Variants in SNTG1 observed in about 807,000 individuals in gnomAD.
SNTG1 encodes syntrophin gamma 1, also known as gamma-1-syntrophin.
SNTG1 carries 39 observed loss-of-function variants against 74.7 expected under a neutral mutation model. The observed-to-expected ratio is 0.52, with a 90% CI of 0.40 to 0.68. The LOEUF is 0.68. Among genes scored for constraint, SNTG1 ranks in the 30% least tolerant of loss-of-function variants. SNTG1 has a pLI of 0.00. For missense variants in SNTG1, 685 were observed against 609.5 expected (o/e 1.12, Z -1.30); for synonymous variants, 254 against 217.1 (o/e 1.17, Z -1.49).
chr8:50,460,139 G>A (rs1048442189), intron 8 of SNTG1, among the ~76,000 whole-genome samples: 12 of 152,132 alleles, frequency 7.9e-5, no homozygotes, highest in Admixed American at 4.6e-4. Context: ...CAGTGTATAA[G>A]CATTCCCTTT....
chr8:50,375,285 T>A (rs549448861), intron 2 of SNTG1, among the ~76,000 whole-genome samples: 32 of 152,226 alleles, frequency 2.1e-4, no homozygotes, highest in African/African-American at 7.7e-4. Context: ...TTGGGCACAT[T>A]AGATTCTGGT....
intron 13 of SNTG1, among the ~76,000 whole-genome samples, chr8:50,602,481 T>C (rs2094782041): frequency 6.6e-6 from 1 of 152,160 alleles, no homozygotes; most frequent in Non-Finnish European, 1.5e-5. Context: ...AAAGTTGTAG[T>C]TATTATTTTT....
chr8:50,471,290 C>T (rs1225034559), intron 8 of SNTG1, among the ~76,000 whole-genome samples: 1 of 149,896 alleles, frequency 6.7e-6, no homozygotes, highest in Non-Finnish European at 1.5e-5. Flanking sequence ...GAGTGTGTTT[C>T]AATAGACATT....
rs533348910 is a variant in SNTG1 at position 50,660,859 on chromosome 8, A to G, written c.1038+2196A>G. 3.5e-4 allele frequency among the ~76,000 whole-genome samples: 53 copies of G among 152,310 alleles called. 1 individual carries two copies. The highest frequency in any genetic ancestry group is 1.1e-3 in the African/African-American group (44 of 41,594). On this transcript the variant is annotated intron_variant, in intron 15 of 18. Coordinates refer to ENST00000642720, the MANE Select transcript of SNTG1 (RefSeq NM_018967.5). Reference sequence around the variant, plus strand: ...TTTGTTACAATTTTTGACAAAGATTATGCAATTCATGATCTGCTATTTTGT... The same window carrying G: ...TTTGTTACAATTTTTGACAAAGATTGTGCAATTCATGATCTGCTATTTTGT...
At chr8:50,256,265 C>A (rs1337226584) in intron 2 of SNTG1, among the ~76,000 whole-genome samples, 3 of 151,710 alleles carry the variant, frequency 2.0e-5, no homozygotes, top group Non-Finnish European at 2.9e-5. Flanking sequence ...AAGTGTATAC[C>A]ACATAGCAGG....
At chr8:50,183,033 C>T (rs1005645268) in intron 2 of SNTG1, among the ~76,000 whole-genome samples, 1 of 152,146 alleles carries the variant, frequency 6.6e-6, no homozygotes, top group Non-Finnish European at 1.5e-5. Context: ...CATCCTCTCA[C>T]GGTTTGCCCC....
At chr8:49,942,775 A>G (rs535966590) in intron 1 of SNTG1, among the ~76,000 whole-genome samples, 1 of 152,154 alleles carries the variant, frequency 6.6e-6, no homozygotes, top group Non-Finnish European at 1.5e-5. Flanking sequence ...GTAAATTGCC[A>G]TTTCATTGCA....
chr8:50,269,827 T>C (rs560075925), intron 2 of SNTG1, among the ~76,000 whole-genome samples: 22 of 152,140 alleles, frequency 1.4e-4, no homozygotes, highest in African/African-American at 5.1e-4. Context: ...ACAGGCAGTA[T>C]GTGGGGAGTT....
chr8:50,160,988 GA>G (rs1299149000), intron 1 of SNTG1, among the ~76,000 whole-genome samples: 1 of 152,114 alleles, frequency 6.6e-6, no homozygotes, highest in Non-Finnish European at 1.5e-5. Context: ...GCAAAGAGAG[GA>G]TTTCATATTT....
At chr8:50,498,262 C>T (rs1018464760) in intron 8 of SNTG1, among the ~76,000 whole-genome samples, 5 of 151,844 alleles carry the variant, frequency 3.3e-5, no homozygotes, top group Non-Finnish European at 7.4e-5. Context: ...CAAAACCTTA[C>T]ACACACTTAG....
At chr8:50,525,036 CTT>C (rs2094209177) in intron 9 of SNTG1, among the ~76,000 whole-genome samples, 1 of 152,012 alleles carries the variant, frequency 6.6e-6, no homozygotes, top group East Asian at 1.9e-4. Flanking sequence ...GAAGAATTGT[CTT>C]TAGCAATTTT....
intron 2 of SNTG1, among the ~76,000 whole-genome samples, chr8:50,253,680 C>T (rs1786306497): frequency 6.6e-6 from 1 of 151,604 alleles, no homozygotes; most frequent in Non-Finnish European, 1.5e-5. Flanking sequence ...TATGTATACA[C>T]ACACACATAT....
chr8:50,018,684 A>G (rs926400005), intron 1 of SNTG1, among the ~76,000 whole-genome samples: 1 of 152,108 alleles, frequency 6.6e-6, no homozygotes, highest in African/African-American at 2.4e-5. Context: ...AAAGAGCACC[A>G]AGAAAGTGAG....
intron 1 of SNTG1, among the ~76,000 whole-genome samples, chr8:50,106,162 G>A (rs1210546895): frequency 6.6e-6 from 1 of 152,216 alleles, no homozygotes; most frequent in Non-Finnish European, 1.5e-5. Flanking sequence ...AGGCTTAACA[G>A]GAAGCATGAA....
chr8:50,730,799 C>A (rs946329934), intron 17 of SNTG1, among the ~76,000 whole-genome samples: 2 of 152,106 alleles, frequency 1.3e-5, no homozygotes, highest in Non-Finnish European at 2.9e-5. Context: ...GAAGCATCAC[C>A]ATTAGTACTT....
At chr8:50,572,262 A>T (rs62516787) in intron 12 of SNTG1, among the ~76,000 whole-genome samples, 2,856 of 82,724 alleles carry the variant, frequency 0.035, 42 homozygotes, top group African/African-American at 0.061. Flanking sequence ...CCTATTTTAT[A>T]TATATATATA....
intron 2 of SNTG1, among the ~76,000 whole-genome samples, chr8:50,341,271 A>G (rs10283045): frequency 0.065 from 9,918 of 151,928 alleles, 351 homozygotes; most frequent in African/African-American, 0.072. Context: ...AAAATAGGCA[A>G]TTAATATTGT....
At chr8:50,710,332 GT>G (rs1009613529) in intron 17 of SNTG1, among the ~76,000 whole-genome samples, 19 of 151,814 alleles carry the variant, frequency 1.3e-4, no homozygotes, top group East Asian at 7.7e-4. Context: ...TATTACTAAA[GT>G]TTTTTTTATT....
intron 18 of SNTG1, among the ~76,000 whole-genome samples, chr8:50,768,434 A>T (rs1009733840): frequency 6.6e-6 from 1 of 152,076 alleles, no homozygotes; most frequent in Non-Finnish European, 1.5e-5. Context: ...TGAAGAATTC[A>T]TGATGTGTTG....
Sources: allele counts gnomAD v4.1 joint callset (sites outside exome capture counted in the v4.1 genomes callset), GRCh38; gene constraint gnomAD v4.1.1; transcripts MANE v1.5; gene names NCBI Gene and HGNC (gene_info 2026-07-23, HGNC 2026-07-21).